Variants in HSBP1 observed in about 807,000 individuals in gnomAD.
HSBP1 encodes heat shock factor binding protein 1, also known as heat shock factor-binding protein 1.
In HSBP1, 5 loss-of-function variants were observed where a neutral mutation model predicts 9.6. The observed-to-expected ratio is 0.52, with a 90% CI of 0.27 to 1.09. The LOEUF is 1.09. Among genes scored for constraint, HSBP1 ranks in the 50% least tolerant of loss-of-function variants. The pLI is 0.11. For synonymous variants in HSBP1, 42 were observed against 33.3 expected, an observed-to-expected ratio of 1.26 and a Z score of -0.90; for missense variants, 121 against 96.3, an observed-to-expected ratio of 1.26 and a Z score of -1.07.
At position 83,818,656 on chromosome 16, in the gene HSBP1, T is replaced by TTC. The variant is rs1904772768; in HGVS notation, c.*7242_*7243dup. ...GTCTTTCTTGGGAACCACCGTGATG[T>TTC]TCTCTTCTGGACTCTTCGTAACCCC... On this transcript the variant is annotated 3_prime_UTR_variant, in exon 4 of 4. Coordinates refer to ENST00000433866, the MANE Select transcript of HSBP1 (RefSeq NM_001537.4). 1 of 152,154 alleles carries TTC rather than the reference T, an allele frequency of 6.6e-6. No individual in the cohort carries two copies. The highest frequency in any genetic ancestry group is 2.4e-5 in the African/African-American group (1 of 41,444). The allele number at this position is 152,154 out of a possible 1,614,324, so 9.4% of individuals were successfully genotyped here.
At chr16:83,809,455 T>TTATTTTA in intron 3 of HSBP1, 30 bp downstream of exon 3, 1 of 1,103,662 alleles carries the variant, frequency 9.1e-7, no homozygotes, top group Non-Finnish European at 1.3e-6. Context: ...TTTTTTTCTT[T>TTATTTTA]TCTTTTCTTT....
At position 83,810,566 on chromosome 16, in the gene HSBP1, ATGCCTG is replaced by A. The variant is rs144126749; in HGVS notation, c.*3-853_*3-848del. On this transcript the variant is annotated intron_variant, in intron 3 of 3. Coordinates refer to ENST00000433866, the MANE Select transcript of HSBP1 (RefSeq NM_001537.4). ...AAAAGGTACTGGTGCGTGGTGACTC[ATGCCTG>A]TAATCCCAGCACTTTGGGAGGCAAA... is the stretch of plus-strand genomic sequence containing the variant. 1.3e-3 allele frequency among the ~76,000 whole-genome samples: 180 copies of A among 138,900 alleles called. No homozygotes were observed. In the East Asian group the frequency reaches 0.013, roughly 10 times the overall value. 91.1% of individuals were successfully genotyped at this position (138,900 alleles called of 152,430 possible). A position where few individuals can be genotyped will look rare whatever the true frequency, so the allele number is the denominator to read the frequency against.
chr16:83,809,265 T>A (rs766144845), intron 2 of HSBP1, 40 bp from the exon 3 acceptor site: 1 of 1,274,344 alleles, frequency 7.8e-7, no homozygotes, highest in South Asian at 1.3e-5. Context: ...GGAAAAAGGC[T>A]CAATGAGATG....
intron 3 of HSBP1, among the ~76,000 whole-genome samples, chr16:83,810,345 C>A (rs1024628769): frequency 1.3e-5 from 2 of 152,030 alleles, no homozygotes; most frequent in African/African-American, 4.8e-5. Flanking sequence ...CAGCAGAGTG[C>A]ATGGTGATCC....
In HSBP1 at chr16:83,815,935, C is replaced by T. The variant is rs1040845721; in HGVS notation, c.*4517C>T. The T allele has an allele frequency of 2.0e-5, 3 of 152,082 alleles. No individual in the cohort carries two copies. Among genetic ancestry groups the T allele is most frequent in the African/African-American group, 7.2e-5 (3 of 41,398 alleles). The allele number at this position is 152,082 out of a possible 1,614,324, so 9.4% of individuals were successfully genotyped here. ...TTCCAAAAGAGAACAGTATTGCTTCCCAATAATTAAGAATAGTCTGGATTC... is the reference window on the plus strand; with the variant it reads ...TTCCAAAAGAGAACAGTATTGCTTCTCAATAATTAAGAATAGTCTGGATTC... On this transcript the variant is annotated 3_prime_UTR_variant, in exon 4 of 4. Coordinates refer to ENST00000433866, the MANE Select transcript of HSBP1 (RefSeq NM_001537.4).
rs927399452 is a variant in HSBP1, at chr16:83,812,318, T to C, written c.*900T>C. ...CTAGAATATGATCAACGACTTGTAG[T>C]AGACTCAAGTTTTTAAAAAACACTA... On this transcript the variant is annotated 3_prime_UTR_variant, in exon 4 of 4. Coordinates refer to ENST00000433866, the MANE Select transcript of HSBP1 (RefSeq NM_001537.4). 1 of 152,410 alleles carries C rather than the reference T, an allele frequency of 6.6e-6. No homozygotes were observed. The highest frequency in any genetic ancestry group is 6.5e-5 in the Admixed American group (1 of 15,280). 9.4% of individuals were successfully genotyped at this position (152,410 alleles called of 1,614,324 possible). A position where few individuals can be genotyped will look rare whatever the true frequency, so the allele number is the denominator to read the frequency against.
intron 3 of HSBP1, among the ~76,000 whole-genome samples, chr16:83,810,268 A>C (rs1268164453): frequency 6.6e-6 from 1 of 152,172 alleles, no homozygotes; most frequent in Non-Finnish European, 1.5e-5. Context: ...ATAGTTTCAG[A>C]TGTCAGAGGA....
rs1904794772 is a variant in HSBP1, at chr16:83,819,537, T to C, written c.*8119T>C. 6.6e-6 allele frequency: 1 copy of C among 152,212 alleles called. No homozygotes were observed. Among genetic ancestry groups the C allele is most frequent in the African/African-American group, 2.4e-5 (1 of 41,446 alleles). 9.4% of individuals were successfully genotyped at this position (152,212 alleles called of 1,614,324 possible). ...CTGACGCCATGAAGACTTGAATCAC[T>C]TTAAAGCAATTTGCTTCTTATTAAA... is the stretch of plus-strand genomic sequence containing the variant. On this transcript the variant is annotated 3_prime_UTR_variant, in exon 4 of 4. Transcript: ENST00000433866.
chr16:83,812,775 AC>A lies in HSBP1; in HGVS notation c.*1358del, dbSNP rs1904629352. On this transcript the variant is annotated 3_prime_UTR_variant, in exon 4 of 4. Coordinates refer to ENST00000433866, the MANE Select transcript of HSBP1 (RefSeq NM_001537.4). ...GCAGGCTGGAGCCCCCGAATGCCCC[AC>A]ACACACTGCAGCATTGACCAGACCA... 6.6e-6 allele frequency: 1 copy of A among 152,236 alleles called. No individual in the cohort carries two copies. The highest frequency in any genetic ancestry group is 1.5e-5 in the Non-Finnish European group (1 of 68,112). The allele number at this position is 152,236 out of a possible 1,614,324, so 9.4% of individuals were successfully genotyped here.
Position 83,808,003 on chromosome 16 carries a change from C to A in HSBP1, c.-74C>A. 2.2e-6 allele frequency: 3 copies of A among 1,349,676 alleles called. No homozygotes were observed. Among genetic ancestry groups the A allele is most frequent in the South Asian group, 1.3e-5 (1 of 74,374 alleles). 83.6% of individuals were successfully genotyped at this position (1,349,676 alleles called of 1,614,324 possible). On this transcript the variant is annotated 5_prime_UTR_variant, in exon 1 of 4. Transcript: ENST00000433866. ...AGTCTCGTCGCGAGAAGCAGCGGCC[C>A]GGGGCGACTGAGCGGACAAACGGAA...
rs1404463667 is a variant in HSBP1, at chr16:83,809,404, C to T, written c.212C>T (p.Pro71Leu). Residue 71 changes from proline to leucine, a missense_variant, in exon 3 of 4, where the codon CCT becomes CTT. Transcript: ENST00000433866. ...GAACTGGAAAGTGAAAACAAGATAC[C>T]TGCCACGCAAAAGAGTTGAAGGTGA... ...VEELESENKI[P>L]ATQKS The T allele has an allele frequency of 1.3e-6, 2 of 1,593,650 alleles. No homozygotes were observed. The highest frequency in any genetic ancestry group is 2.3e-5 in the East Asian group (1 of 44,268).
rs1056666315 is a variant in HSBP1 at position 83,817,150 on chromosome 16, G to A, written c.*5732G>A. On this transcript the variant is annotated 3_prime_UTR_variant, in exon 4 of 4. Transcript: ENST00000433866. ...TAGACTCCAGTGTGCAGTCGAGGTC[G>A]AGAACTGCATTCAAGAAGGCCTGTC... 2.6e-5 allele frequency: 4 copies of A among 152,186 alleles called. No homozygotes were observed. Among genetic ancestry groups the A allele is most frequent in the Non-Finnish European group, 5.9e-5 (4 of 68,042 alleles). 9.4% of individuals were successfully genotyped at this position (152,186 alleles called of 1,614,324 possible). A position where few individuals can be genotyped will look rare whatever the true frequency, so the allele number is the denominator to read the frequency against.
chr16:83,808,109 C>T lies in HSBP1; in HGVS notation c.33C>T (p.Asp11=). 6.5e-7 allele frequency: 1 copy of T among 1,547,202 alleles called. No individual in the cohort carries two copies. The change falls in exon 1 of 4, where the codon GAC becomes GAT. Residue 11 remains aspartate (D), a synonymous_variant. Coordinates refer to ENST00000433866, the MANE Select transcript of HSBP1 (RefSeq NM_001537.4). ...AGACTGACCCCAAGACCGTGCAGGA[C>T]CTCACCTCGGTGGTAAGGGACGGCT... The part of the protein sequence containing the change: MAETDPKTVQ[D]LTSVVQTLLQ...
chr16:83,809,470 T>TC, intron 3 of HSBP1, 45 bp downstream of exon 3: 1 of 956,302 alleles, frequency 1.0e-6, no homozygotes, highest in Non-Finnish European at 1.5e-6. Context: ...TTCTTTTTTT[T>TC]TTTTTTTTTT....
In HSBP1 at chr16:83,809,204, C is replaced by T. The variant is rs1366257907; in HGVS notation, c.113-101C>T. 6 of 734,346 alleles carry T rather than the reference C, an allele frequency of 8.2e-6. No individual in the cohort carries two copies. The East Asian group carries it at 1.6e-4, about 20-fold the overall frequency. The allele number at this position is 734,346 out of a possible 1,614,324, so 45.5% of individuals were successfully genotyped here. A position where few individuals can be genotyped will look rare whatever the true frequency, so the allele number is the denominator to read the frequency against. On this transcript the variant is annotated intron_variant, in intron 2 of 3. Transcript: ENST00000433866. The stretch of plus-strand genomic sequence containing the variant: ...ACAGTGTCGAAAGAAAATTGGAAGA[C>T]CAGTTTCCCTAAAGTCGTTGTGTTT...
At chr16:83,809,462 C>CTTTTT (rs34576085) in intron 3 of HSBP1, 37 bp downstream of exon 3, 377 of 408,052 alleles carry the variant, frequency 9.2e-4, no homozygotes, top group East Asian at 2.8e-3. Context: ...CTTTTCTTTT[C>CTTTTT]TTTTTTTTTT....
In HSBP1 at chr16:83,814,049, G is replaced by C. The variant is rs1035379569; in HGVS notation, c.*2631G>C. On this transcript the variant is annotated 3_prime_UTR_variant, in exon 4 of 4. Coordinates refer to ENST00000433866, the MANE Select transcript of HSBP1 (RefSeq NM_001537.4). ...GGAACATAGAGTCCTCCAAACAAAA[G>C]TGAACTTTTTCAACATGCTGTTTGT... 3.3e-5 allele frequency: 5 copies of C among 152,106 alleles called. No homozygotes were observed. The highest frequency in any genetic ancestry group is 1.2e-4 in the African/African-American group (5 of 41,426). 9.4% of individuals were successfully genotyped at this position (152,106 alleles called of 1,614,324 possible).
chr16:83,808,803 C>A, intron 2 of HSBP1, 57 bp downstream of exon 2: 2 of 1,294,184 alleles, frequency 1.5e-6, no homozygotes, highest in Non-Finnish European at 2.2e-6. Flanking sequence ...ATTTGCCGGG[C>A]AGTGGTGGGG....
intron 3 of HSBP1, among the ~76,000 whole-genome samples, chr16:83,810,982 A>G (rs1301409867): frequency 3.9e-5 from 6 of 152,234 alleles, no homozygotes; most frequent in African/African-American, 1.2e-4. Flanking sequence ...ATTTGCTTTT[A>G]TCTTCACAGT....
Sources: allele counts gnomAD v4.1 joint callset (sites outside exome capture counted in the v4.1 genomes callset), GRCh38; gene constraint gnomAD v4.1.1; transcripts MANE v1.5; gene names NCBI Gene and HGNC (gene_info 2026-07-23, HGNC 2026-07-21).